ZEB2: variants seen among roughly 807,000 people sequenced by gnomAD.
The protein encoded by ZEB2 is zinc finger E-box binding homeobox 2.
A neutral mutation model predicts 99.9 loss-of-function variants in ZEB2; 6 were observed. The observed-to-expected ratio is 0.06, with a 90% CI of 0.03 to 0.12. The LOEUF (loss-of-function observed/expected upper bound fraction) is 0.12, where lower values mean the gene tolerates loss of function less well. ZEB2 is among the 10% of genes least tolerant of loss of function. The pLI is 1.00. For missense variants in ZEB2, 969 were observed against 1,502.8 expected, an observed-to-expected ratio of 0.64 and a Z score of 5.87; for synonymous variants, 517 against 542.5, an observed-to-expected ratio of 0.95 and a Z score of 0.65.
chr2:144,497,300 C>G (rs1560650087), intron 2 of ZEB2, among the ~76,000 whole-genome samples: 1 of 152,120 alleles, frequency 6.6e-6, no homozygotes, highest in South Asian at 2.1e-4. Context: ...CTTAAATGCA[C>G]CCCCATTTCC....
rs537821720 is a variant in ZEB2 at position 144,396,382 on chromosome 2, C to T, written c.3067+30G>A. On this transcript the variant is annotated intron_variant, in intron 9 of 9. Coordinates refer to ENST00000627532, the MANE Select transcript of ZEB2 (RefSeq NM_014795.4). ...ATGAAATGTACAGCAGGACGGGAAGCTCTAACCAGTTAGGCAAAGTCACTC... is the reference window on the plus strand; with the variant it reads ...ATGAAATGTACAGCAGGACGGGAAGTTCTAACCAGTTAGGCAAAGTCACTC... 19 of 1,612,020 alleles carry T rather than the reference C, an allele frequency of 1.2e-5. No homozygotes were observed. In the South Asian group the frequency reaches 1.3e-4, roughly 11 times the overall value.
chr2:144,493,188 A>G (rs1267285574), intron 2 of ZEB2, among the ~76,000 whole-genome samples: 3 of 151,964 alleles, frequency 2.0e-5, no homozygotes, highest in Non-Finnish European at 2.9e-5. Flanking sequence ...ATCTCAGGCT[A>G]CGGTTATTGT....
At chr2:144,519,022 T>TA (rs146977252) in intron 1 of ZEB2, among the ~76,000 whole-genome samples, 221 of 152,272 alleles carry the variant, frequency 1.5e-3, no homozygotes, top group African/African-American at 4.9e-3. Flanking sequence ...AGGTGGGAGA[T>TA]AAACACATTC....
At chr2:144,427,056 A>G (rs1703699395) in intron 3 of ZEB2, 1 of 152,182 alleles carries the variant, frequency 6.6e-6, no homozygotes, top group Non-Finnish European at 1.5e-5. Context: ...TGTGTCTAAA[A>G]CCACATAGTA....
chr2:144,471,320 G>A (rs1254126193), intron 2 of ZEB2, among the ~76,000 whole-genome samples: 1 of 152,100 alleles, frequency 6.6e-6, no homozygotes, highest in Non-Finnish European at 1.5e-5. Flanking sequence ...TAGAAGAAAG[G>A]GAAAGAGGAT....
intron 4 of ZEB2, among the ~76,000 whole-genome samples, chr2:144,411,487 A>T (rs2149882831): frequency 6.6e-6 from 1 of 152,304 alleles, no homozygotes; most frequent in Middle Eastern, 3.4e-3. Flanking sequence ...AAGTGCATGT[A>T]TGCGTTTTTG....
At chr2:144,515,218 T>A (rs138069591) in intron 2 of ZEB2, among the ~76,000 whole-genome samples, 16 of 151,836 alleles carry the variant, frequency 1.1e-4, no homozygotes, top group Admixed American at 1.0e-3. Context: ...AAAAAATGAC[T>A]GTTTAACAGA....
chr2:144,412,296 T>C (rs1489087807), intron 4 of ZEB2, among the ~76,000 whole-genome samples: 2 of 152,222 alleles, frequency 1.3e-5, no homozygotes, highest in Non-Finnish European at 2.9e-5. Flanking sequence ...ATTCCCAATA[T>C]AGACAATATG....
intron 2 of ZEB2, among the ~76,000 whole-genome samples, chr2:144,457,194 C>T (rs993765): frequency 0.88 from 133,524 of 152,182 alleles, 58,819 homozygotes; most frequent in East Asian, 1. Flanking sequence ...TGCATTAATC[C>T]ACTGACAGCA....
At chr2:144,438,069 C>T (rs1462618068) in intron 2 of ZEB2, among the ~76,000 whole-genome samples, 2 of 152,198 alleles carry the variant, frequency 1.3e-5, no homozygotes, top group Non-Finnish European at 2.9e-5. Flanking sequence ...ATACCTTCAT[C>T]TGAAGTAGCA....
chr2:144,453,570 T>G (rs921971412), intron 2 of ZEB2, among the ~76,000 whole-genome samples: 4 of 152,182 alleles, frequency 2.6e-5, no homozygotes, highest in African/African-American at 9.7e-5. Context: ...TAAATTAAAA[T>G]GAGATTTAGA....
chr2:144,513,041 T>C (rs776773529), intron 2 of ZEB2: 246 of 1,287,112 alleles, frequency 1.9e-4, no homozygotes, highest in Non-Finnish European at 2.3e-4. Context: ...AACTTCCTTG[T>C]CTAAGTGTGT....
At chr2:144,404,807 C>CA (rs1368565656) in intron 5 of ZEB2, 29 bp downstream of exon 5, 1 of 1,610,262 alleles carries the variant, frequency 6.2e-7, no homozygotes, top group Non-Finnish European at 8.5e-7. Flanking sequence ...GAGGTCAGTG[C>CA]AGTGGCTAAA....
At position 144,389,895 on chromosome 2, in the gene ZEB2, C is replaced by T. The variant is rs730881180; in HGVS notation, c.3201G>A (p.Ser1067=). 17 of 1,613,462 alleles carry T rather than the reference C, an allele frequency of 1.1e-5. No homozygotes were observed. The South Asian group carries it at 1.4e-4, about 14-fold the overall frequency. ...GATTCATGTGCTGCGAGTACGAGCC[C>T]GAGTGTGAGAAGCGCTTGCCACATT... ...CDKCGKRFSH[S]GSYSQHMNHR... The change falls in exon 10 of 10, where the codon TCG becomes TCA. Residue 1067 remains serine, a synonymous_variant. Transcript: ENST00000627532. The surrounding 1 kb of genome is among the most constrained non-coding windows in gnomAD (Gnocchi z 6.8).
Position 144,386,238 on chromosome 2 carries a change from C to T in ZEB2, c.*3213G>A, listed in dbSNP as rs1235718038. Reference sequence around the variant, plus strand: ...AAACAGAAGAACACATCTGATGTTACTAAAATGCACATCTCTTGGTTGTGG... The same window carrying T: ...AAACAGAAGAACACATCTGATGTTATTAAAATGCACATCTCTTGGTTGTGG... On this transcript the variant is annotated 3_prime_UTR_variant, in exon 10 of 10. Transcript: ENST00000627532. 6.6e-6 allele frequency: 1 copy of T among 152,144 alleles called. No homozygotes were observed. The highest frequency in any genetic ancestry group is 2.4e-5 in the African/African-American group (1 of 41,436). 9.4% of individuals were successfully genotyped at this position (152,144 alleles called of 1,614,324 possible). A position where few individuals can be genotyped will look rare whatever the true frequency, so the allele number is the denominator to read the frequency against.
intron 2 of ZEB2, chr2:144,513,754 A>G: frequency 6.5e-7 from 1 of 1,536,160 alleles, no homozygotes; most frequent in South Asian, 1.2e-5. Context: ...GGCAAGCAGC[A>G]GCAGGGCATC....
chr2:144,462,195 GC>G (rs777149013), intron 2 of ZEB2: 14 of 152,062 alleles, frequency 9.2e-5, no homozygotes, highest in Non-Finnish European at 1.9e-4. Context: ...AAAAAAAGAA[GC>G]CTCGTTTTAA....
At chr2:144,458,165 A>AACC (rs908366819) in intron 2 of ZEB2, among the ~76,000 whole-genome samples, 3 of 151,600 alleles carry the variant, frequency 2.0e-5, no homozygotes, top group East Asian at 1.9e-4. Flanking sequence ...CACACACCCC[A>AACC]ACCACCACCA....
intron 2 of ZEB2, among the ~76,000 whole-genome samples, chr2:144,507,820 G>T (rs1704971579): frequency 6.6e-6 from 1 of 152,160 alleles, no homozygotes. Context: ...TGTTGCTGAG[G>T]GGAGACAAAG....
Sources: gnomAD v4.1 joint callset for allele counts (sites outside exome capture counted in the v4.1 genomes callset) on GRCh38, gnomAD v4.1.1 for gene constraint, Gnocchi (gnomAD v3.1) non-coding constraint, MANE v1.5 for transcripts, NCBI Gene and HGNC (gene_info 2026-07-23, HGNC 2026-07-21) for gene names.